Variants in AP1S2 observed in about 807,000 individuals in gnomAD.
The protein encoded by AP1S2 is adaptor related protein complex 1 subunit sigma 2.
AP1S2 carries 1 observed loss-of-function variant against 14.3 expected under a neutral mutation model. The ratio of observed to expected loss-of-function variants is 0.07; its 90% CI spans 0.02 to 0.33. The LOEUF (loss-of-function observed/expected upper bound fraction) is 0.33, where lower values mean the gene tolerates loss of function less well. AP1S2 is among the 10% of genes least tolerant of loss of function. The pLI is 0.99. For missense variants in AP1S2, 30 were observed against 117.7 expected (o/e 0.25, Z 3.45); for synonymous variants, 30 against 40.5 (o/e 0.74, Z 0.99).
chrX:15,843,591 TATTAAA>T (rs1933908631), intron 4 of AP1S2, among the ~76,000 whole-genome samples: 2 of 111,656 alleles, frequency 1.8e-5, no homozygotes, highest in South Asian at 3.7e-4. Flanking sequence ...CCAGGAAAAA[TATTAAA>T]ATTAAAAGTT....
intron 4 of AP1S2, among the ~76,000 whole-genome samples, chrX:15,836,387 G>A (rs1462380523): frequency 8.9e-6 from 1 of 112,034 alleles, no homozygotes; most frequent in African/African-American, 3.2e-5. Context: ...GCTTTCATCT[G>A]TGAATTACAT....
chrX:15,833,131 C>T (rs1199614122), intron 4 of AP1S2: 33 of 982,910 alleles, frequency 3.4e-5, no homozygotes, highest in Non-Finnish European at 4.2e-5. Context: ...TATAGTTTAT[C>T]ATCTTTTTCT....
chrX:15,847,849 A>C (rs1414605741), intron 2 of AP1S2, among the ~76,000 whole-genome samples: 1 of 112,260 alleles, frequency 8.9e-6, no homozygotes, highest in Non-Finnish European at 1.9e-5. Context: ...AGCTGATAGG[A>C]ACAGAATGCT....
At chrX:15,848,874 C>A (rs1156304431) in intron 2 of AP1S2, among the ~76,000 whole-genome samples, 1 of 112,190 alleles carries the variant, frequency 8.9e-6, no homozygotes, top group Non-Finnish European at 1.9e-5. Flanking sequence ...CTGAAGTGTT[C>A]TCAATACCCA....
At chrX:15,845,008 G>GA (rs759340504) in intron 4 of AP1S2, 1 of 747,472 alleles carries the variant, frequency 1.3e-6, no homozygotes, top group Non-Finnish European at 1.6e-6. Context: ...CTACACTAAT[G>GA]AAAAAGGGGG....
At chrX:15,840,754 G>C (rs1933805384) in intron 4 of AP1S2, among the ~76,000 whole-genome samples, 1 of 112,112 alleles carries the variant, frequency 8.9e-6, no homozygotes, top group Non-Finnish European at 1.9e-5. Context: ...TAAAATAGGT[G>C]GTGGGGAAAA....
intron 4 of AP1S2, among the ~76,000 whole-genome samples, chrX:15,834,454 A>ATATATATATATG (rs1933542988): frequency 3.4e-5 from 1 of 29,635 alleles, no homozygotes; most frequent in Non-Finnish European, 5.6e-5. Flanking sequence ...ATATATATAT[A>ATATATATATATG]TATATATATA....
Position 15,828,219 on chromosome X carries a change from A to G in AP1S2, c.427-19T>C. 1 of 1,097,057 alleles carries G rather than the reference A, an allele frequency of 9.1e-7. No homozygotes were observed. The highest frequency in any genetic ancestry group is 1.2e-6 in the Non-Finnish European group (1 of 836,700). 90.4% of individuals were successfully genotyped at this position (1,097,057 alleles called of 1,213,427 possible). ...TCGCATCCTAATCATGGTACAGCAC[A>G]AAGCAAGGAGAAGAGAAATTATATT... On this transcript the variant is annotated intron_variant, in intron 4 of 5. Coordinates refer to ENST00000672987, the MANE Select transcript of AP1S2 (RefSeq NM_001272071.2).
chrX:15,830,012 TA>T (rs1933381159), intron 4 of AP1S2: 1 of 643,507 alleles, frequency 1.6e-6, no homozygotes, highest in African/African-American at 2.4e-5. Flanking sequence ...TATAAAACGT[TA>T]TTTTATGAGG....
intron 4 of AP1S2, chrX:15,840,546 A>G (rs1309503340): frequency 5.1e-6 from 5 of 981,226 alleles, no homozygotes; most frequent in Non-Finnish European, 6.6e-6. Flanking sequence ...ACTGCTCTTT[A>G]TCATAAGATA....
chrX:15,838,960 T>G (rs1933739309), intron 4 of AP1S2, among the ~76,000 whole-genome samples: 1 of 111,115 alleles, frequency 9.0e-6, no homozygotes, highest in Non-Finnish European at 1.9e-5. Flanking sequence ...GTTGGCCAGG[T>G]TGGTCTTGAA....
At chrX:15,851,835 T>C (rs1934188451) in intron 2 of AP1S2, among the ~76,000 whole-genome samples, 1 of 112,362 alleles carries the variant, frequency 8.9e-6, no homozygotes, top group Non-Finnish European at 1.9e-5. Flanking sequence ...ACACATCTCA[T>C]GTATACACAA....
intron 2 of AP1S2, among the ~76,000 whole-genome samples, chrX:15,849,651 G>A (rs980623040): frequency 9.0e-6 from 1 of 111,701 alleles, no homozygotes; most frequent in Non-Finnish European, 1.9e-5. Context: ...GGCTCAACAC[G>A]GACAGACTGA....
chrX:15,837,710 G>A (rs1933689828), intron 4 of AP1S2, among the ~76,000 whole-genome samples: 1 of 105,921 alleles, frequency 9.4e-6, no homozygotes, highest in Non-Finnish European at 1.9e-5. Context: ...TGGTTCAAGC[G>A]ATTCTCCTGC....
chrX:15,835,300 C>A (rs1442930007), intron 4 of AP1S2, among the ~76,000 whole-genome samples: 3 of 112,103 alleles, frequency 2.7e-5, no homozygotes, highest in African/African-American at 9.7e-5. Context: ...ATTCCTTGCA[C>A]TATAAAGTGG....
At chrX:15,845,147 G>C (rs1933962179) in intron 4 of AP1S2, 2 of 753,884 alleles carry the variant, frequency 2.7e-6, no homozygotes, top group South Asian at 6.7e-5. Context: ...GGTCCAAAAA[G>C]GGCCATTGGG....
chrX:15,834,481 A>ATATATATAAT (rs1569080380), intron 4 of AP1S2, among the ~76,000 whole-genome samples: 68 of 12,968 alleles, frequency 5.2e-3, no homozygotes, highest in African/African-American at 0.016. Context: ...TATATATATA[A>ATATATATAAT]TTTTTTTTTT....
intron 4 of AP1S2, among the ~76,000 whole-genome samples, chrX:15,833,785 G>A (rs773116073): frequency 1.8e-5 from 2 of 111,651 alleles, no homozygotes; most frequent in South Asian, 3.7e-4. Context: ...CCTCTTGTGA[G>A]TCACATAAAA....
At chrX:15,853,623 C>T (rs1482122463) in intron 1 of AP1S2, among the ~76,000 whole-genome samples, 1 of 111,876 alleles carries the variant, frequency 8.9e-6, no homozygotes, top group Non-Finnish European at 1.9e-5. Context: ...ATTTACAGAA[C>T]CAATGTAGAA....
Sources: allele counts gnomAD v4.1 joint callset (sites outside exome capture counted in the v4.1 genomes callset), GRCh38; gene constraint gnomAD v4.1.1; transcripts MANE v1.5; gene names NCBI Gene and HGNC (gene_info 2026-07-23, HGNC 2026-07-21).